PLCXD3: variants seen among roughly 807,000 people sequenced by gnomAD.
PLCXD3 encodes the protein phosphatidylinositol specific phospholipase C X domain containing 3, also known as PI-PLC X domain-containing protein 3.
A neutral mutation model predicts 25.5 loss-of-function variants in PLCXD3; 19 were observed. The observed-to-expected ratio is 0.75, with a 90% confidence interval of 0.52 to 1.09. The LOEUF (loss-of-function observed/expected upper bound fraction) is 1.09. Ranked by LOEUF, PLCXD3 falls within the 50% of genes least tolerant of loss-of-function variation. The probability of loss-of-function intolerance (pLI) is 0.00; values close to 1 mark genes in which losing one functional copy is unlikely to be tolerated. For missense variants in PLCXD3, 411 were observed against 388.1 expected (o/e 1.06, Z -0.50); for synonymous variants, 174 against 137.6 (o/e 1.26, Z -1.85).
At chr5:41,405,202 C>T (rs1746314842) in intron 1 of PLCXD3, among the ~76,000 whole-genome samples, 1 of 152,066 alleles carries the variant, frequency 6.6e-6, no homozygotes, top group Admixed American at 6.6e-5. Context: ...ATAAGGGTAG[C>T]TTTGTTGTTT....
In PLCXD3 at chr5:41,489,871, C is replaced by A. The variant is rs1017440183; in HGVS notation, c.103+20553G>T. Reference sequence around the variant, plus strand: ...GGGTTTTCTAGATATACAATCATGTCGTCTGCAAACAGGGACAATTTGACT... The same window carrying A: ...GGGTTTTCTAGATATACAATCATGTAGTCTGCAAACAGGGACAATTTGACT... On this transcript the variant is annotated intron_variant, in intron 1 of 2. Transcript: ENST00000377801. 7.0e-3 allele frequency among the ~76,000 whole-genome samples: 1,062 copies of A among 151,716 alleles called. 15 individuals are homozygous for A. Among genetic ancestry groups the A allele is most frequent in the African/African-American group, 0.024 (1,007 of 41,314 alleles).
chr5:41,460,649 A>G (rs1258204396), intron 1 of PLCXD3, among the ~76,000 whole-genome samples: 1 of 151,998 alleles, frequency 6.6e-6, no homozygotes, highest in East Asian at 1.9e-4. Flanking sequence ...GTGAGCACTC[A>G]TTATTCTACA....
chr5:41,391,704 G>C (rs1174272075), intron 1 of PLCXD3, among the ~76,000 whole-genome samples: 2 of 152,146 alleles, frequency 1.3e-5, no homozygotes, highest in Admixed American at 6.6e-5. Flanking sequence ...TTGCACCTTA[G>C]GTGCCAGCAG....
chr5:41,407,768 C>T lies in PLCXD3; in HGVS notation c.104-25234G>A, dbSNP rs535455526. Among the ~76,000 whole-genome samples the T allele has an allele frequency of 1.1e-3, 173 of 152,256 alleles. 1 individual carries two copies. Among genetic ancestry groups the T allele is most frequent in the Admixed American group, 2.4e-3 (36 of 15,292 alleles). ...TTAATATTAAACCCAAAATAGCTCACGGAACACTAAGTTTAATCCTTTTCT... is the reference window on the plus strand; with the variant it reads ...TTAATATTAAACCCAAAATAGCTCATGGAACACTAAGTTTAATCCTTTTCT... On this transcript the variant is annotated intron_variant, in intron 1 of 2. Transcript: ENST00000377801.
intron 1 of PLCXD3, among the ~76,000 whole-genome samples, chr5:41,489,833 G>A: frequency 6.6e-6 from 1 of 150,886 alleles, no homozygotes; most frequent in Non-Finnish European, 1.5e-5. Flanking sequence ...GGAGATTTTG[G>A]GCTGAGACAG....
intron 1 of PLCXD3, among the ~76,000 whole-genome samples, chr5:41,403,394 A>ATTTTTTTTTTTTTTTTTTTTTTTTTGTT (rs1554047940): frequency 6.4e-5 from 1 of 15,720 alleles, no homozygotes; most frequent in Non-Finnish European, 1.7e-4. Flanking sequence ...AGATTGACTT[A>ATTTTTTTTTTTTTTTTTTTTTTTTTGTT]TTTGTTGTTT....
At position 41,308,103 on chromosome 5, in the gene PLCXD3, A is replaced by G. The variant is rs755469773; in HGVS notation, c.*5514T>C. 1 of 152,152 alleles carries G rather than the reference A, an allele frequency of 6.6e-6. No homozygotes were observed. The highest frequency in any genetic ancestry group is 1.5e-5 in the Non-Finnish European group (1 of 68,016). The allele number at this position is 152,152 out of a possible 1,614,324, so 9.4% of individuals were successfully genotyped here. Reference sequence around the variant, plus strand: ...AGCTGACCAATGTTTTCTTTCTTGAAGGACATTATGACTGCAGATATTCAT... The same window carrying G: ...AGCTGACCAATGTTTTCTTTCTTGAGGGACATTATGACTGCAGATATTCAT... On this transcript the variant is annotated 3_prime_UTR_variant, in exon 3 of 3. Transcript: ENST00000377801.
At chr5:41,425,670 T>C (rs1273048368) in intron 1 of PLCXD3, among the ~76,000 whole-genome samples, 1 of 152,198 alleles carries the variant, frequency 6.6e-6, no homozygotes, top group Non-Finnish European at 1.5e-5. Flanking sequence ...CCAACACTGA[T>C]CTTTTTACTG....
chr5:41,431,454 T>C (rs1038634999), intron 1 of PLCXD3, among the ~76,000 whole-genome samples: 2 of 152,236 alleles, frequency 1.3e-5, no homozygotes, highest in East Asian at 1.9e-4. Context: ...GATTTATTCA[T>C]ACAACACAAT....
chr5:41,358,305 T>A (rs975087026), intron 2 of PLCXD3, among the ~76,000 whole-genome samples: 8 of 152,180 alleles, frequency 5.3e-5, no homozygotes, highest in African/African-American at 1.9e-4. Context: ...TTATTTTTTT[T>A]ATTTCTTTTA....
At chr5:41,326,038 G>T (rs1257250497) in intron 2 of PLCXD3, among the ~76,000 whole-genome samples, 1 of 152,142 alleles carries the variant, frequency 6.6e-6, no homozygotes, top group African/African-American at 2.4e-5. Flanking sequence ...GCCTCCCAAA[G>T]TCCTCACTTC....
rs78573390 is a variant in PLCXD3, at chr5:41,328,430, G to A, written c.813-14660C>T. On this transcript the variant is annotated intron_variant, in intron 2 of 2. Coordinates refer to ENST00000377801, the MANE Select transcript of PLCXD3 (RefSeq NM_001005473.3). ...AGACAGAAAAGAGGGGGATAATAAC[G>A]TCCTGGTGCTGTCATACAAGACTGG... 7.5e-3 allele frequency among the ~76,000 whole-genome samples: 1,147 copies of A among 152,238 alleles called. 26 individuals carry two copies. The highest frequency in any genetic ancestry group is 0.026 in the African/African-American group (1,073 of 41,536).
intron 1 of PLCXD3, among the ~76,000 whole-genome samples, chr5:41,425,278 A>G (rs1258238313): frequency 6.6e-6 from 1 of 152,258 alleles, no homozygotes; most frequent in East Asian, 1.9e-4. Context: ...ATATAATATA[A>G]AAGTGAATCT....
intron 1 of PLCXD3, among the ~76,000 whole-genome samples, chr5:41,484,794 T>C (rs1189746021): frequency 6.6e-6 from 1 of 152,208 alleles, no homozygotes; most frequent in East Asian, 1.9e-4. Context: ...CATGTTAAAA[T>C]ATTGTTCTTA....
At chr5:41,494,860 T>C (rs1209212081) in intron 1 of PLCXD3, among the ~76,000 whole-genome samples, 1 of 152,108 alleles carries the variant, frequency 6.6e-6, no homozygotes, top group Non-Finnish European at 1.5e-5. Context: ...TTTCCTTAGA[T>C]GGCAATAAAA....
rs746866995 is a variant in PLCXD3 at position 41,313,716 on chromosome 5, G to GCCA, written c.864_866dup (p.Gly289dup). ...CAAAATCGGCAGTGACAATATTGAT[G>GCCA]CCACTCTCTCCTGGCTTCTGCGTGC... On this transcript the variant is annotated inframe_insertion, in exon 3 of 3. Coordinates refer to ENST00000377801, the MANE Select transcript of PLCXD3 (RefSeq NM_001005473.3). 6.2e-7 allele frequency: 1 copy of GCCA among 1,613,644 alleles called. No individual in the cohort carries two copies. The highest frequency in any genetic ancestry group is 8.5e-7 in the Non-Finnish European group (1 of 1,179,744).
chr5:41,350,662 C>T (rs1469645886), intron 2 of PLCXD3, among the ~76,000 whole-genome samples: 5 of 151,956 alleles, frequency 3.3e-5, no homozygotes, highest in African/African-American at 1.2e-4. Context: ...CAATTCTTTC[C>T]CAAGACAAGG....
intron 1 of PLCXD3, among the ~76,000 whole-genome samples, chr5:41,444,005 A>G (rs1311882264): frequency 6.6e-6 from 1 of 152,174 alleles, no homozygotes; most frequent in Non-Finnish European, 1.5e-5. Context: ...TGGGAAAATT[A>G]GTGAAGTACA....
At chr5:41,372,918 C>T (rs1054992973) in intron 2 of PLCXD3, among the ~76,000 whole-genome samples, 2 of 152,048 alleles carry the variant, frequency 1.3e-5, no homozygotes, top group Admixed American at 1.3e-4. Flanking sequence ...GTGGCATACA[C>T]CTGTAATCTC....
Sources: gnomAD v4.1 joint callset for allele counts (sites outside exome capture counted in the v4.1 genomes callset) on GRCh38, gnomAD v4.1.1 for gene constraint, MANE v1.5 for transcripts, NCBI Gene and HGNC (gene_info 2026-07-23, HGNC 2026-07-21) for gene names.